BAZ2B: variants seen among roughly 807,000 people sequenced by gnomAD.
BAZ2B encodes the protein bromodomain adjacent to zinc finger domain protein 2B.
In BAZ2B, 91 loss-of-function variants were observed where a neutral mutation model predicts 246.0. The ratio of observed to expected loss-of-function variants is 0.37; its 90% CI spans 0.31 to 0.44. The LOEUF (loss-of-function observed/expected upper bound fraction) is 0.44. BAZ2B is among the 20% of genes least tolerant of loss of function. The pLI is 1.00. For missense variants in BAZ2B, 2,332 were observed against 2,533.7 expected (o/e 0.92, Z 1.71); for synonymous variants, 855 against 860.0 (o/e 0.99, Z 0.10).
chr2:159,653,862 C>T, the BAZ2B span, among the ~76,000 whole-genome samples: 13 of 152,128 alleles, frequency 8.5e-5, no homozygotes, highest in African/African-American at 2.6e-4. Flanking sequence ...TTTGGTTGAG[C>T]CTATAGAATA....
chr2:159,484,505 A>C (rs991828691), intron 2 of BAZ2B, among the ~76,000 whole-genome samples: 11 of 152,236 alleles, frequency 7.2e-5, no homozygotes, highest in Non-Finnish European at 1.0e-4. Flanking sequence ...AATGACATTT[A>C]TCTATAACAA....
At chr2:159,624,834 G>A in the BAZ2B span, among the ~76,000 whole-genome samples, 1 of 152,154 alleles carries the variant, frequency 6.6e-6, no homozygotes, top group Admixed American at 6.5e-5. Context: ...GAATGAGTTT[G>A]ACAAATTGAC....
intron 3 of BAZ2B, among the ~76,000 whole-genome samples, chr2:159,474,895 C>G (rs74541609): frequency 1.3e-5 from 2 of 152,192 alleles, no homozygotes; most frequent in African/African-American, 4.8e-5. Flanking sequence ...CCACTCTCTT[C>G]TGGCTTGTAG....
At chr2:159,443,501 G>A (rs997715658) in intron 6 of BAZ2B, among the ~76,000 whole-genome samples, 5 of 151,936 alleles carry the variant, frequency 3.3e-5, no homozygotes, top group Non-Finnish European at 5.9e-5. Flanking sequence ...TTTTAAAAAA[G>A]TTTTGAAAAC....
At chr2:159,329,810 C>T (rs1296074243) in intron 34 of BAZ2B, among the ~76,000 whole-genome samples, 1 of 152,132 alleles carries the variant, frequency 6.6e-6, no homozygotes, top group African/African-American at 2.4e-5. Context: ...AATGAGATTA[C>T]AGATCTTATG....
intron 2 of BAZ2B, among the ~76,000 whole-genome samples, chr2:159,493,018 T>C (rs1340757348): frequency 6.6e-6 from 1 of 152,198 alleles, no homozygotes; most frequent in African/African-American, 2.4e-5. Flanking sequence ...TACAGTAAAC[T>C]AGTAAAACTA....
At chr2:159,646,339 CT>C in the BAZ2B span, among the ~76,000 whole-genome samples, 27 of 152,180 alleles carry the variant, frequency 1.8e-4, no homozygotes, top group Non-Finnish European at 2.9e-4. Context: ...CTGAACATTG[CT>C]GTTATCCTGT....
upstream of BAZ2B, among the ~76,000 whole-genome samples, chr2:159,620,454 A>C (rs1194804649): frequency 6.6e-6 from 1 of 152,232 alleles, no homozygotes; most frequent in African/African-American, 2.4e-5. Flanking sequence ...CTGGGAGATT[A>C]GAGACTCATA....
intron 25 of BAZ2B, among the ~76,000 whole-genome samples, chr2:159,379,234 A>C (rs2149474017): frequency 6.6e-6 from 1 of 152,328 alleles, no homozygotes; most frequent in South Asian, 2.1e-4. Context: ...TAAACCAGTC[A>C]CAGAAAGTCA....
At chr2:159,606,543 A>G (rs1693539444) in intron 1 of BAZ2B, among the ~76,000 whole-genome samples, 1 of 152,236 alleles carries the variant, frequency 6.6e-6, no homozygotes, top group Non-Finnish European at 1.5e-5. Flanking sequence ...CATAGAAACC[A>G]GAAAAGATAG....
chr2:159,349,399 A>G, intron 28 of BAZ2B, 119 bp from the exon 29 acceptor site: 1 of 1,089,216 alleles, frequency 9.2e-7, no homozygotes, highest in Non-Finnish European at 1.3e-6. Flanking sequence ...TATTACAATT[A>G]CAGGAAAACA....
intron 14 of BAZ2B, among the ~76,000 whole-genome samples, chr2:159,409,854 GT>G (rs2066549038): frequency 6.6e-6 from 1 of 152,060 alleles, no homozygotes; most frequent in South Asian, 2.1e-4. Context: ...AAGGTCAAAG[GT>G]AACAGAACTT....
the BAZ2B span, among the ~76,000 whole-genome samples, chr2:159,646,420 A>G: frequency 6.6e-6 from 1 of 152,148 alleles, no homozygotes; most frequent in African/African-American, 2.4e-5. Flanking sequence ...CAGTTAATGC[A>G]ATCATCACAG....
intron 1 of BAZ2B, among the ~76,000 whole-genome samples, chr2:159,596,717 T>G (rs1690806810): frequency 6.6e-6 from 1 of 152,172 alleles, no homozygotes; most frequent in Non-Finnish European, 1.5e-5. Context: ...AAGTCCACTG[T>G]GTCATTCTTA....
At chr2:159,474,349 A>G (rs1023117314) in intron 3 of BAZ2B, among the ~76,000 whole-genome samples, 1 of 152,092 alleles carries the variant, frequency 6.6e-6, no homozygotes, top group Non-Finnish European at 1.5e-5. Context: ...GTTGGTTTAA[A>G]GTCTGTTTTA....
chr2:159,511,158 T>C (rs1231439181), intron 2 of BAZ2B, among the ~76,000 whole-genome samples: 2 of 152,202 alleles, frequency 1.3e-5, no homozygotes, highest in African/African-American at 4.8e-5. Context: ...TAAGACAAAC[T>C]ATTCCAGAAA....
chr2:159,635,120 A>T, the BAZ2B span, among the ~76,000 whole-genome samples: 3 of 152,176 alleles, frequency 2.0e-5, no homozygotes, highest in Non-Finnish European at 4.4e-5. Context: ...GGGTGGAGGA[A>T]TGGGATTCAG....
At chr2:159,331,659 G>A (rs1387473957) in intron 34 of BAZ2B, among the ~76,000 whole-genome samples, 2 of 152,172 alleles carry the variant, frequency 1.3e-5, no homozygotes, top group Non-Finnish European at 2.9e-5. Flanking sequence ...TTACAGGTGT[G>A]AGCCAACATA....
chr2:159,329,470 C>A (rs1341266129), intron 34 of BAZ2B, among the ~76,000 whole-genome samples: 6 of 152,058 alleles, frequency 3.9e-5, no homozygotes, highest in Non-Finnish European at 8.8e-5. Flanking sequence ...TATATATGCA[C>A]ACACACACAA....
Sources: allele counts gnomAD v4.1 joint callset (sites outside exome capture counted in the v4.1 genomes callset), GRCh38; gene constraint gnomAD v4.1.1; transcripts MANE v1.5; gene names NCBI Gene and HGNC (gene_info 2026-07-23, HGNC 2026-07-21).